SUOX: variants seen among roughly 807,000 people sequenced by gnomAD.
The protein encoded by SUOX is sulfite oxidase.
In SUOX, 39 loss-of-function variants were observed where a neutral mutation model predicts 41.9. That is an observed-to-expected ratio of 0.93 (90% CI 0.72 to 1.21). The LOEUF (loss-of-function observed/expected upper bound fraction) is 1.21, where lower values mean the gene tolerates loss of function less well. Among genes scored for constraint, SUOX ranks in the 50% most tolerant of loss-of-function variants. SUOX has a pLI of 0.00. For missense variants in SUOX, 633 were observed against 689.5 expected, an observed-to-expected ratio of 0.92 and a Z score of 0.92; for synonymous variants, 220 against 268.4, an observed-to-expected ratio of 0.82 and a Z score of 1.76.
Position 56,004,955 on chromosome 12 carries a change from G to T in SUOX, c.1566G>T (p.Val522=). 1 of 1,614,186 alleles carries T rather than the reference G, an allele frequency of 6.2e-7. No homozygotes were observed. Residue 522 remains valine (V), a synonymous_variant, in exon 5 of 5, where the codon GTG becomes GTT. Transcript: ENST00000266971. The surrounding 1 kb of genome is among the most constrained non-coding windows in gnomAD (Gnocchi z 4.5). ...GTTACAATGTGCAGCCAGACACCGT[G>T]GCCCCAATCTGGAACCTGCGAGGTG... The part of the protein sequence containing the change: ...DDGYNVQPDT[V]APIWNLRGVL...
intron 2 of SUOX, 123 bp from the exon 3 acceptor site, chr12:56,002,089 T>A: frequency 6.7e-7 from 1 of 1,499,478 alleles, no homozygotes; most frequent in Non-Finnish European, 9.0e-7. Flanking sequence ...TCAAGACTCC[T>A]CACTTGCCCA....
Position 56,004,705 on chromosome 12 carries a change from A to G in SUOX, c.1316A>G (p.Glu439Gly). ...ITEPRDGETV[E>G]SGEVTIKGYA... ...GAGCCCCGGGATGGAGAGACTGTAGAATCAGGGGAGGTGACCATCAAGGGC... is the reference window on the plus strand; with the variant it reads ...GAGCCCCGGGATGGAGAGACTGTAGGATCAGGGGAGGTGACCATCAAGGGC... Residue 439 changes from glutamate (E) to glycine (G), a missense_variant, in exon 5 of 5, where the codon GAA (glutamate) becomes GGA (glycine). Physicochemically the swap from Glu to Gly is moderately conservative, Grantham distance 98. Coordinates refer to ENST00000266971, the MANE Select transcript of SUOX (RefSeq NM_001032386.2). This position sits in a 1 kb window ranked among gnomAD's most constrained non-coding sequence, Gnocchi z 4.5. 1 of 1,614,046 alleles carries G rather than the reference A, an allele frequency of 6.2e-7. No homozygotes were observed.
chr12:56,002,017 C>A, intron 2 of SUOX, 195 bp from the exon 3 acceptor site: 1 of 1,459,304 alleles, frequency 6.9e-7, no homozygotes, highest in Non-Finnish European at 9.1e-7. Flanking sequence ...GCCATCCTGT[C>A]AGCACAGTCT....
At chr12:56,001,118 C>CTT (rs1234069085) in intron 2 of SUOX, among the ~76,000 whole-genome samples, 1,573 of 51,272 alleles carry the variant, frequency 0.031, 101 homozygotes, top group Non-Finnish European at 0.036. Flanking sequence ...GTTAATCTCT[C>CTT]TTTTTTTTTT....
rs202085145 is a variant in SUOX at position 56,002,720 on chromosome 12, G to T, written c.228G>T (p.Arg76Ser). The change falls in exon 4 of 5, where the codon AGG (arginine) becomes AGT (serine). Residue 76 changes from arginine to serine, a missense_variant and splice_region_variant. Transcript: ENST00000266971. ...AVLAYQDHRC[R>S]AAQESTHIYT... ...TGGCCTATCAGGACCATCGGTGTAG[G>T]GTAAGTAGGGAAAGTGCTTCATTGT... 5.8e-4 allele frequency: 941 copies of T among 1,613,944 alleles called. 4 individuals are homozygous for T. Among genetic ancestry groups the T allele is most frequent in the Middle Eastern group, 9.9e-4 (6 of 6,058 alleles).
intron 1 of SUOX, 64 bp downstream of exon 1, chr12:55,997,403 G>T (rs1383532468): frequency 6.6e-6 from 1 of 152,530 alleles, no homozygotes; most frequent in Non-Finnish European, 1.5e-5. Context: ...GCAGCGGAGG[G>T]GGCCTTGGTG....
chr12:55,997,994 C>T (rs750927614), intron 2 of SUOX, among the ~76,000 whole-genome samples: 1 of 152,182 alleles, frequency 6.6e-6, no homozygotes, highest in Non-Finnish European at 1.5e-5. Context: ...CCCTGACACT[C>T]TGGCCATTAA....
At chr12:56,000,679 T>C (rs932145408) in intron 2 of SUOX, among the ~76,000 whole-genome samples, 2 of 152,208 alleles carry the variant, frequency 1.3e-5, no homozygotes, top group Non-Finnish European at 2.9e-5. Flanking sequence ...GCAAGGGCTG[T>C]GAGGACTGCC....
intron 2 of SUOX, chr12:56,001,836 A>T (rs950531986): frequency 5.5e-5 from 50 of 905,770 alleles, no homozygotes; most frequent in Non-Finnish European, 7.0e-5. Context: ...TCCTCTGCTG[A>T]CTTCAGAAAT....
rs1890690061 is a variant in SUOX at position 56,004,932 on chromosome 12, T to C, written c.1543T>C (p.Tyr515His). ...NIVCKAVDDG[Y>H]NVQPDTVAPI... is the part of the protein sequence containing the mutation. ...TGTTTGTAAGGCTGTGGATGATGGT[T>C]ACAATGTGCAGCCAGACACCGTGGC... The change falls in exon 5 of 5, where the codon TAC (tyrosine) becomes CAC (histidine). Residue 515 changes from tyrosine (Y) to histidine (H), a missense_variant. Transcript: ENST00000266971. The surrounding 1 kb of genome is among the most constrained non-coding windows in gnomAD (Gnocchi z 4.5). The C allele has an allele frequency of 2.5e-6, 4 of 1,614,134 alleles. No individual in the cohort carries two copies. The South Asian group carries it at 4.4e-5, about 18-fold the overall frequency.
intron 4 of SUOX, chr12:56,003,070 T>G (rs1165694116): frequency 1.3e-5 from 4 of 313,516 alleles, no homozygotes; most frequent in African/African-American, 8.7e-5. Context: ...AAGGAATCAG[T>G]CCTAGTAAAC....
chr12:56,001,774 T>TACTTTTTTTTC (rs1890539046), intron 2 of SUOX: 1 of 315,454 alleles, frequency 3.2e-6, no homozygotes, highest in Admixed American at 5.4e-5. Flanking sequence ...AGGCTGTCAC[T>TACTTTTTTTTC]ACTTTTTTTT....
rs988221869 is a variant in SUOX at position 56,004,507 on chromosome 12, TG to T, written c.1121del (p.Gly374ValfsTer11). On this transcript the variant is annotated frameshift_variant, in exon 5 of 5. Transcript: ENST00000266971. LOFTEE classifies it high-confidence loss of function. The surrounding 1 kb of genome is among the most constrained non-coding windows in gnomAD (Gnocchi z 4.5). ...FPVRVVVPGVVGARHVKWLGR... is the reference protein window; with the variant it reads ...FPVRVVVPGVXGARHVKWLGR... ...GTGCGTGTGGTGGTTCCTGGAGTGG[TG>T]GGTGCCCGCCATGTCAAATGGCTGG... The T allele has an allele frequency of 2.5e-6, 4 of 1,613,420 alleles. No homozygotes were observed. The highest frequency in any genetic ancestry group is 3.4e-6 in the Non-Finnish European group (4 of 1,179,964).
Position 56,004,678 on chromosome 12 carries a change from C to G in SUOX, c.1289C>G (p.Thr430Arg), listed in dbSNP as rs1592831611. 1 of 1,613,914 alleles carries G rather than the reference C, an allele frequency of 6.2e-7. No individual in the cohort carries two copies. Among genetic ancestry groups the G allele is most frequent in the East Asian group, 2.2e-5 (1 of 44,872 alleles). Residue 430 changes from threonine (T) to arginine (R), a missense_variant, in exon 5 of 5, where the codon ACA becomes AGA. Physicochemically the swap from Thr to Arg is moderately conservative, Grantham distance 71. Transcript: ENST00000266971. The surrounding 1 kb of genome is among the most constrained non-coding windows in gnomAD (Gnocchi z 4.5). ...GAACTTCCTGTCCAGTCGGCCATCACAGAGCCCCGGGATGGAGAGACTGTA... is the reference window on the plus strand; with the variant it reads ...GAACTTCCTGTCCAGTCGGCCATCAGAGAGCCCCGGGATGGAGAGACTGTA... Reference protein sequence around the residue: ...IQELPVQSAITEPRDGETVES... With the variant: ...IQELPVQSAIREPRDGETVES...
At chr12:55,997,752 T>C (rs1356246125) in intron 2 of SUOX, 29 bp downstream of exon 2, 5 of 152,568 alleles carry the variant, frequency 3.3e-5, no homozygotes, top group African/African-American at 1.2e-4. Context: ...AATGGTCCCA[T>C]GGCCCAGGGG....
rs904236836 is a variant in SUOX, at chr12:56,005,150, C to T, written c.*123C>T. Reference sequence around the variant, plus strand: ...GGCCTTCCTAAGCCATACCCAAGTACACATATAGCACATTTCACCCAAGGA... The same window carrying T: ...GGCCTTCCTAAGCCATACCCAAGTATACATATAGCACATTTCACCCAAGGA... On this transcript the variant is annotated 3_prime_UTR_variant, in exon 5 of 5. Coordinates refer to ENST00000266971, the MANE Select transcript of SUOX (RefSeq NM_001032386.2). 2 of 1,059,330 alleles carry T rather than the reference C, an allele frequency of 1.9e-6. No individual in the cohort carries two copies. The highest frequency in any genetic ancestry group is 1.9e-5 in the Admixed American group (1 of 52,656). The allele number at this position is 1,059,330 out of a possible 1,614,324, so 65.6% of individuals were successfully genotyped here. A position where few individuals can be genotyped will look rare whatever the true frequency, so the allele number is the denominator to read the frequency against.
In SUOX at chr12:56,004,372, C is replaced by T. The variant is rs540792428; in HGVS notation, c.983C>T (p.Thr328Ile). The T allele has an allele frequency of 4.5e-5, 73 of 1,614,120 alleles. No homozygotes were observed. The South Asian group carries it at 7.2e-4, about 16-fold the overall frequency. The change falls in exon 5 of 5, where the codon ACT becomes ATT. Residue 328 changes from threonine to isoleucine, a missense_variant. Physicochemically the swap from Thr to Ile is moderately conservative, Grantham distance 89. Transcript: ENST00000266971. This position sits in a 1 kb window ranked among gnomAD's most constrained non-coding sequence, Gnocchi z 4.5. ...GGACTGGACTCAGACCCTACTGGGA[C>T]TGCCTATGGAGCATCCATCCCTCTG... is the stretch of plus-strand genomic sequence containing the variant. The part of the protein sequence containing the change: ...FEGLDSDPTG[T>I]AYGASIPLAR...
chr12:55,999,036 A>T (rs1396915928), intron 2 of SUOX, among the ~76,000 whole-genome samples: 1 of 149,162 alleles, frequency 6.7e-6, no homozygotes, highest in Admixed American at 6.7e-5. Flanking sequence ...CTGGTCTTGA[A>T]CTCCTGGAGT....
At chr12:56,001,999 C>T in intron 2 of SUOX, 1 of 1,434,528 alleles carries the variant, frequency 7.0e-7, no homozygotes, top group African/African-American at 1.4e-5. Flanking sequence ...TCCCCACCCG[C>T]ATTACCTGCC....
Sources: gnomAD v4.1 joint callset for allele counts (sites outside exome capture counted in the v4.1 genomes callset) on GRCh38, gnomAD v4.1.1 for gene constraint, Gnocchi (gnomAD v3.1) non-coding constraint, MANE v1.5 for transcripts, NCBI Gene and HGNC (gene_info 2026-07-23, HGNC 2026-07-21) for gene names.